The following PATJ variants were observed in gnomAD, a reference collection of about 807,000 sequenced individuals.
PATJ encodes inaD-like protein.
Under a neutral mutation model 224.9 loss-of-function variants are expected in PATJ, and 190 were observed. The ratio of observed to expected loss-of-function variants is 0.84; its 90% CI spans 0.75 to 0.95. The LOEUF (loss-of-function observed/expected upper bound fraction) is 0.95, where lower values mean the gene tolerates loss of function less well. Among genes scored for constraint, PATJ ranks in the 40% least tolerant of loss-of-function variants. The probability of loss-of-function intolerance (pLI) is 0.00; values close to 1 mark genes in which losing one functional copy is unlikely to be tolerated. For synonymous variants in PATJ, 769 were observed against 820.3 expected, an observed-to-expected ratio of 0.94 and a Z score of 1.07; for missense variants, 2,121 against 2,270.3, an observed-to-expected ratio of 0.93 and a Z score of 1.34.
intron 28 of PATJ, among the ~76,000 whole-genome samples, chr1:61,998,246 A>AT (rs201386776): frequency 2.7e-5 from 4 of 149,002 alleles, no homozygotes; most frequent in Admixed American, 1.4e-4. Flanking sequence ...GGCCTGGCTA[A>AT]TTTTTTTTTG....
intron 22 of PATJ, among the ~76,000 whole-genome samples, chr1:61,885,824 A>G (rs1368445898): frequency 1.3e-5 from 2 of 151,804 alleles, no homozygotes; most frequent in Non-Finnish European, 2.9e-5. Context: ...TGACACATAT[A>G]CACCATGGAA....
intron 12 of PATJ, among the ~76,000 whole-genome samples, chr1:61,805,037 G>T (rs1653247110): frequency 6.6e-6 from 1 of 152,132 alleles, no homozygotes; most frequent in Non-Finnish European, 1.5e-5. Flanking sequence ...AGCTGGAATG[G>T]AACTACTTTG....
At chr1:61,842,191 G>A (rs1661206410) in intron 17 of PATJ, among the ~76,000 whole-genome samples, 1 of 152,172 alleles carries the variant, frequency 6.6e-6, no homozygotes, top group South Asian at 2.1e-4. Flanking sequence ...CACTTAATAA[G>A]AGATCAAAGA....
At chr1:61,807,668 GA>G (rs1363789165) in intron 13 of PATJ, among the ~76,000 whole-genome samples, 4 of 152,202 alleles carry the variant, frequency 2.6e-5, no homozygotes, top group Admixed American at 6.5e-5. Context: ...GCATGATGGA[GA>G]ATGAATGAAT....
chr1:61,875,932 A>C (rs942523506), intron 21 of PATJ, among the ~76,000 whole-genome samples: 1 of 152,196 alleles, frequency 6.6e-6, no homozygotes, highest in African/African-American at 2.4e-5. Context: ...ATTTTTCTTC[A>C]TCTAACACTA....
chr1:62,028,998 C>CATACATACATACAT, intron 29 of PATJ, among the ~76,000 whole-genome samples: 1 of 17,886 alleles, frequency 5.6e-5, no homozygotes, highest in East Asian at 2.2e-3. Context: ...CATACATACA[C>CATACATACATACAT]GTATACCAGG....
intron 33 of PATJ, among the ~76,000 whole-genome samples, chr1:62,088,009 AGCCTCCTG>A: frequency 8.9e-6 from 1 of 112,068 alleles, no homozygotes; most frequent in Non-Finnish European, 2.1e-5. Flanking sequence ...CTCCTGCCTC[AGCCTCCTG>A]AGTAGCTGGG....
intron 27 of PATJ, among the ~76,000 whole-genome samples, chr1:61,979,089 AC>A (rs1327967938): frequency 6.6e-6 from 1 of 152,100 alleles, no homozygotes; most frequent in African/African-American, 2.4e-5. Flanking sequence ...CATGTTTAAA[AC>A]AAGCATGAGT....
intron 28 of PATJ, among the ~76,000 whole-genome samples, chr1:62,013,783 G>GT (rs1025064218): frequency 7.9e-5 from 12 of 151,770 alleles, no homozygotes; most frequent in Non-Finnish European, 1.2e-4. Flanking sequence ...AACGTCATTT[G>GT]TTTTTTTTGA....
At chr1:61,854,695 A>T (rs1485571991) in intron 17 of PATJ, among the ~76,000 whole-genome samples, 1 of 152,178 alleles carries the variant, frequency 6.6e-6, no homozygotes, top group Non-Finnish European at 1.5e-5. Context: ...CACAGACAAT[A>T]AATTTGCCTA....
chr1:62,159,553 T>C (rs946676054), intron 43 of PATJ, among the ~76,000 whole-genome samples: 2 of 111,158 alleles, frequency 1.8e-5, no homozygotes, highest in East Asian at 6.3e-4. Flanking sequence ...TGATTTCGAA[T>C]ACTTTTTTTT....
chr1:61,947,738 A>G (rs1678974299), intron 27 of PATJ, among the ~76,000 whole-genome samples: 1 of 152,218 alleles, frequency 6.6e-6, no homozygotes, highest in African/African-American at 2.4e-5. Context: ...TGGAACCAAA[A>G]AAGAGCCCGC....
At chr1:61,833,846 G>C in intron 17 of PATJ, 61 bp downstream of exon 17, 1 of 1,492,820 alleles carries the variant, frequency 6.7e-7, no homozygotes, top group South Asian at 1.3e-5. Flanking sequence ...AAAGTTATGG[G>C]AAGTAGCAAT....
rs941269170 is a variant in PATJ at position 62,057,850 on chromosome 1, A to C, written c.4125+6792A>C. Among the ~76,000 whole-genome samples, 7 of 152,326 alleles carry C rather than the reference A, an allele frequency of 4.6e-5. No individual in the cohort carries two copies. In the East Asian group the frequency reaches 1.4e-3, roughly 29 times the overall value. ...CCCAAAGCTTGGCCAGGAGCCCAAG[A>C]GAACTGTGTTAGAATTGCCCTGGAC... On this transcript the variant is annotated intron_variant, in intron 31 of 43. Coordinates refer to ENST00000642238, the MANE Select transcript of PATJ (RefSeq NM_001350145.3).
chr1:61,760,676 G>A (rs1645916589), intron 1 of PATJ, among the ~76,000 whole-genome samples: 1 of 150,044 alleles, frequency 6.7e-6, no homozygotes, highest in African/African-American at 2.5e-5. Context: ...GAGTGCAGTG[G>A]CATGAGCTCA....
At chr1:61,829,485 G>A (rs796939283) in intron 16 of PATJ, among the ~76,000 whole-genome samples, 23 of 152,100 alleles carry the variant, frequency 1.5e-4, no homozygotes, top group African/African-American at 3.6e-4. Context: ...CTCTGCCCCC[G>A]TCTGTCATGC....
chr1:61,886,190 G>T (rs1407847065), intron 22 of PATJ, among the ~76,000 whole-genome samples: 1 of 151,494 alleles, frequency 6.6e-6, no homozygotes, highest in Non-Finnish European at 1.5e-5. Context: ...AAAAAAAAAA[G>T]ATTGGAGTCC....
intron 31 of PATJ, among the ~76,000 whole-genome samples, chr1:62,064,590 C>T (rs551088045): frequency 6.6e-6 from 1 of 152,156 alleles, no homozygotes; most frequent in Admixed American, 6.6e-5. Flanking sequence ...CCTTGGCCTC[C>T]CAAAGTGCTG....
At chr1:62,098,269 G>T (rs1356777311) in intron 33 of PATJ, among the ~76,000 whole-genome samples, 1 of 151,596 alleles carries the variant, frequency 6.6e-6, no homozygotes, top group Non-Finnish European at 1.5e-5. Flanking sequence ...TGAGGCAGGA[G>T]AATGGCGTGA....
Sources: gnomAD v4.1 joint callset for allele counts (sites outside exome capture counted in the v4.1 genomes callset) on GRCh38, gnomAD v4.1.1 for gene constraint, MANE v1.5 for transcripts, NCBI Gene and HGNC (gene_info 2026-07-23, HGNC 2026-07-21) for gene names.